Variants in SLC28A2 observed in about 807,000 individuals in gnomAD.
The protein encoded by SLC28A2 is sodium/nucleoside cotransporter 2.
A neutral mutation model predicts 72.9 loss-of-function variants in SLC28A2; 69 were observed. The observed-to-expected ratio is 0.95, with a 90% CI of 0.78 to 1.16. The LOEUF is 1.16. Ranked by LOEUF, SLC28A2 falls within the 50% of genes most tolerant of loss-of-function variation. The probability of loss-of-function intolerance (pLI) is 0.00; values close to 1 mark genes in which losing one functional copy is unlikely to be tolerated. For synonymous variants in SLC28A2, 296 were observed against 294.1 expected (o/e 1.01, Z -0.07); for missense variants, 745 against 791.1 (o/e 0.94, Z 0.70).
intron 4 of SLC28A2, 49 bp from the exon 5 acceptor site, chr15:45,263,012 A>G (rs745329012): frequency 3.8e-5 from 58 of 1,519,832 alleles, no homozygotes; most frequent in Admixed American, 9.3e-5. Flanking sequence ...TCATTTGCCC[A>G]TTGGAAGCAC....
rs144329220 is a variant in SLC28A2 at position 45,263,820 on chromosome 15, T to C, written c.447-61T>C. 4.0e-5 allele frequency: 61 copies of C among 1,530,902 alleles called. No individual in the cohort carries two copies. In the South Asian group the frequency reaches 5.8e-4, roughly 14 times the overall value. The allele number at this position is 1,530,902 out of a possible 1,614,324, so 94.8% of individuals were successfully genotyped here. On this transcript the variant is annotated intron_variant, in intron 5 of 17. Transcript: ENST00000347644. ...GTGAGAGAATAACTTTCAGACTCTC[T>C]GTAAGTTATTTGTTTTTCATTCACT...
Position 45,272,212 on chromosome 15 carries a change from G to A in SLC28A2, c.1649-83G>A, listed in dbSNP as rs550450461. On this transcript the variant is annotated intron_variant, in intron 15 of 17. Transcript: ENST00000347644. ...CATCGGCTGTGTTTTGTTTCTCTGC[G>A]TTCTTCTAAGTGGGGGCCCATGGGA... The A allele has an allele frequency of 1.1e-4, 111 of 1,052,242 alleles. No individual in the cohort carries two copies. The Middle Eastern group carries it at 2.3e-3, about 22-fold the overall frequency. The allele number at this position is 1,052,242 out of a possible 1,614,324, so 65.2% of individuals were successfully genotyped here. A position where few individuals can be genotyped will look rare whatever the true frequency, so the allele number is the denominator to read the frequency against.
At chr15:45,269,783 T>A (rs1299851761) in intron 14 of SLC28A2, among the ~76,000 whole-genome samples, 1 of 152,216 alleles carries the variant, frequency 6.6e-6, no homozygotes, top group East Asian at 1.9e-4. Flanking sequence ...CCAACTTCTC[T>A]CTATAATGTA....
chr15:45,257,256 C>A (rs1189125793), intron 3 of SLC28A2, among the ~76,000 whole-genome samples: 1 of 152,190 alleles, frequency 6.6e-6, no homozygotes, highest in Non-Finnish European at 1.5e-5. Flanking sequence ...CTCAACCTCA[C>A]TGGCCCCAGT....
Position 45,275,570 on chromosome 15 carries a change from G to C in SLC28A2, c.*57G>C, listed in dbSNP as rs1164327176. 4 of 1,091,856 alleles carry C rather than the reference G, an allele frequency of 3.7e-6. No homozygotes were observed. The highest frequency in any genetic ancestry group is 5.6e-6 in the Non-Finnish European group (4 of 713,690). The allele number at this position is 1,091,856 out of a possible 1,614,324, so 67.6% of individuals were successfully genotyped here. On this transcript the variant is annotated 3_prime_UTR_variant, in exon 18 of 18. Transcript: ENST00000347644. The stretch of plus-strand genomic sequence containing the variant: ...ATCTTAAAAGCTTTGTGATTGCAAA[G>C]GTGTTTATGTACTCAGGGTGCCCAC...
chr15:45,253,625 A>G (rs1899880336), intron 3 of SLC28A2, 105 bp downstream of exon 3: 1 of 646,552 alleles, frequency 1.5e-6, no homozygotes, highest in Admixed American at 2.8e-5. Flanking sequence ...TACCATGTGT[A>G]CATATATATA....
chr15:45,268,086 C>T, intron 12 of SLC28A2, 124 bp from the exon 13 acceptor site: 1 of 904,160 alleles, frequency 1.1e-6, no homozygotes, highest in South Asian at 1.7e-5. Context: ...TGAGGAACCC[C>T]TGTCACCTTC....
chr15:45,258,585 C>T (rs901385769), intron 3 of SLC28A2, among the ~76,000 whole-genome samples: 1 of 152,162 alleles, frequency 6.6e-6, no homozygotes, highest in Non-Finnish European at 1.5e-5. Flanking sequence ...CTAATTTATA[C>T]TTTAAATGAA....
At chr15:45,270,303 C>G in intron 15 of SLC28A2, 27 bp downstream of exon 15, 6 of 1,501,134 alleles carry the variant, frequency 4.0e-6, no homozygotes, top group Non-Finnish European at 5.6e-6. Flanking sequence ...TCCCAGCTCC[C>G]CAGTAAGACA....
intron 13 of SLC28A2, 140 bp from the exon 14 acceptor site, chr15:45,269,198 C>A: frequency 1.5e-6 from 1 of 676,806 alleles, no homozygotes. Flanking sequence ...CATGCATGTC[C>A]TTCTGACCCA....
chr15:45,272,806 C>CT, intron 17 of SLC28A2, 22 bp downstream of exon 17: 1 of 1,264,530 alleles, frequency 7.9e-7, no homozygotes, highest in Non-Finnish European at 1.2e-6. Context: ...GACCCCATTC[C>CT]TTTCTCTCAC....
At chr15:45,266,343 CTAA>C (rs1900336459) in intron 10 of SLC28A2, among the ~76,000 whole-genome samples, 182 bp downstream of exon 10, 2 of 152,170 alleles carry the variant, frequency 1.3e-5, no homozygotes, top group Non-Finnish European at 2.9e-5. Context: ...CCCTTTGCGC[CTAA>C]TAATACTTCC....
At position 45,269,410 on chromosome 15, in the gene SLC28A2, G is replaced by T. The variant is rs145895032; in HGVS notation, c.1441G>T (p.Ala481Ser). 96 of 1,613,980 alleles carry T rather than the reference G, an allele frequency of 5.9e-5. No homozygotes were observed. The African/African-American group carries it at 1.2e-3, about 21-fold the overall frequency. Residue 481 changes from alanine to serine, a missense_variant, in exon 14 of 18, where the codon GCT becomes TCT. Coordinates refer to ENST00000347644, the MANE Select transcript of SLC28A2 (RefSeq NM_004212.4). Reference protein sequence around the residue: ...GVEWTDCPMVAEMVGIKFFIN... With the variant: ...GVEWTDCPMVSEMVGIKFFIN... The stretch of plus-strand genomic sequence containing the variant: ...AGAGTGGACAGACTGTCCAATGGTG[G>T]CTGAGATGGTGGGAATCAAGTTCTT...
intron 15 of SLC28A2, 149 bp downstream of exon 15, chr15:45,270,425 C>T (rs1900512866): frequency 3.1e-6 from 2 of 642,642 alleles, no homozygotes; most frequent in East Asian, 5.3e-5. Flanking sequence ...TTAACTTGGA[C>T]CTAAGGCAGT....
intron 4 of SLC28A2, among the ~76,000 whole-genome samples, chr15:45,262,806 G>A (rs895900785): frequency 7.9e-5 from 12 of 152,204 alleles, no homozygotes; most frequent in African/African-American, 2.9e-4. Flanking sequence ...AGAAGGGAAT[G>A]AGATTTCATT....
Position 45,263,114 on chromosome 15 carries a change from G to A in SLC28A2, c.316G>A (p.Ala106Thr), listed in dbSNP as rs781129898. ...ACILNFQRALALFVITCLVIF... is the reference protein window; with the variant it reads ...ACILNFQRALTLFVITCLVIF... ...CATCTTGAATTTCCAGAGGGCACTG[G>A]CCTTGTTTGTCATCACCTGCTTGGT... The change falls in exon 5 of 18, where the codon GCC (alanine) becomes ACC (threonine). Residue 106 changes from alanine to threonine, a missense_variant. Coordinates refer to ENST00000347644, the MANE Select transcript of SLC28A2 (RefSeq NM_004212.4). 4 of 1,613,846 alleles carry A rather than the reference G, an allele frequency of 2.5e-6. No individual in the cohort carries two copies. The highest frequency in any genetic ancestry group is 3.4e-6 in the Non-Finnish European group (4 of 1,179,916).
At chr15:45,269,681 C>G in intron 14 of SLC28A2, 146 bp downstream of exon 14, 1 of 672,210 alleles carries the variant, frequency 1.5e-6, no homozygotes. Context: ...AGCAGAACAG[C>G]CTACCTAGCA....
intron 15 of SLC28A2, 99 bp from the exon 16 acceptor site, chr15:45,272,196 T>G (rs1164218117): frequency 2.9e-4 from 247 of 862,934 alleles, no homozygotes; most frequent in Middle Eastern, 2.3e-4. Flanking sequence ...TCATCGGCTG[T>G]GTTTTGTTTC....
rs8023604 is a variant in SLC28A2, at chr15:45,263,965, T to C, written c.531T>C (p.Phe177=). 49,830 of 1,613,576 alleles carry C rather than the reference T, an allele frequency of 0.031. 11,224 individuals carry two copies. The African/African-American group carries it at 0.53, about 17-fold the overall frequency. ...TAQRPEQLIP[F]AGICMFILIL... Reference sequence around the variant, plus strand: ...AAAGGCCAGAGCAGCTGATCCCCTTTGCAGGAATCTGCATGTTCATCCTTA... The same window carrying C: ...AAAGGCCAGAGCAGCTGATCCCCTTCGCAGGAATCTGCATGTTCATCCTTA... Residue 177 remains phenylalanine, a synonymous_variant, in exon 6 of 18, where the codon TTT becomes TTC. Coordinates refer to ENST00000347644, the MANE Select transcript of SLC28A2 (RefSeq NM_004212.4).
Sources: allele counts gnomAD v4.1 joint callset (sites outside exome capture counted in the v4.1 genomes callset), GRCh38; gene constraint gnomAD v4.1.1; transcripts MANE v1.5; gene names NCBI Gene and HGNC (gene_info 2026-07-23, HGNC 2026-07-21).